Variants in GRIN3A observed in about 807,000 individuals in gnomAD.
GRIN3A encodes glutamate ionotropic receptor NMDA type subunit 3A, also known as glutamate receptor ionotropic, NMDA 3A.
In GRIN3A, 47 loss-of-function variants were observed where a neutral mutation model predicts 92.4. The observed-to-expected ratio is 0.51, with a 90% confidence interval of 0.40 to 0.65. The LOEUF is 0.65. Among genes scored for constraint, GRIN3A ranks in the 30% least tolerant of loss-of-function variants. GRIN3A has a pLI of 0.00. For synonymous variants in GRIN3A, 527 were observed against 540.6 expected, an observed-to-expected ratio of 0.97 and a Z score of 0.35; for missense variants, 1,324 against 1,393.1, an observed-to-expected ratio of 0.95 and a Z score of 0.79.
chr9:101,737,746 C>G lies in GRIN3A; in HGVS notation c.234G>C (p.Arg78Ser). The G allele has an allele frequency of 6.5e-7, 1 of 1,528,982 alleles. No homozygotes were observed. 94.7% of individuals were successfully genotyped at this position (1,528,982 alleles called of 1,614,324 possible). A position where few individuals can be genotyped will look rare whatever the true frequency, so the allele number is the denominator to read the frequency against. Residue 78 changes from arginine to serine, a missense_variant, in exon 1 of 9, where the codon AGG becomes AGC. Physicochemically the swap from Arg to Ser is moderately radical, Grantham distance 110. Coordinates refer to ENST00000361820, the MANE Select transcript of GRIN3A (RefSeq NM_133445.3). ...APDDSRAGAQ[R>S]DEPEPGTRRS... ...GCCTAGTCCCTGGCTCCGGCTCATC[C>G]CTCTGGGCTCCTGCTCGGCTGTCGT...
In GRIN3A at chr9:101,596,900, C is replaced by G. The variant is rs565793746; in HGVS notation, c.2766+16476G>C. On this transcript the variant is annotated intron_variant, in intron 6 of 8. Coordinates refer to ENST00000361820, the MANE Select transcript of GRIN3A (RefSeq NM_133445.3). ...GGACCAGTTATGTAATTTGCAGTGT[C>G]CTTTGTTTGAAAATGATTGAGAGCT... Among the ~76,000 whole-genome samples the G allele has an allele frequency of 2.6e-5, 4 of 152,252 alleles. No individual in the cohort carries two copies. In the East Asian group the frequency reaches 5.8e-4, roughly 22 times the overall value.
chr9:101,596,347 TG>T (rs1332252251), intron 6 of GRIN3A, among the ~76,000 whole-genome samples: 12 of 151,768 alleles, frequency 7.9e-5, no homozygotes, highest in South Asian at 6.3e-4. Flanking sequence ...TATATTGGAA[TG>T]TTTTTTTGTT....
chr9:101,680,656 A>T (rs1165263773), intron 2 of GRIN3A, among the ~76,000 whole-genome samples: 3 of 152,196 alleles, frequency 2.0e-5, no homozygotes, highest in African/African-American at 7.2e-5. Flanking sequence ...GGATAAAACT[A>T]TGAATAATTA....
chr9:101,636,594 G>A (rs1828788500), intron 3 of GRIN3A, among the ~76,000 whole-genome samples: 2 of 152,126 alleles, frequency 1.3e-5, no homozygotes, highest in Admixed American at 6.5e-5. Flanking sequence ...AGTATATATT[G>A]TTATCTCGAG....
chr9:101,632,327 C>G (rs1464403799), intron 3 of GRIN3A, among the ~76,000 whole-genome samples: 2 of 152,180 alleles, frequency 1.3e-5, no homozygotes, highest in African/African-American at 4.8e-5. Flanking sequence ...TTTGCCTTCC[C>G]TGCTAGATTG....
intron 6 of GRIN3A, among the ~76,000 whole-genome samples, chr9:101,589,474 T>C (rs993334935): frequency 2.0e-5 from 3 of 152,224 alleles, no homozygotes; most frequent in African/African-American, 7.2e-5. Flanking sequence ...TTATAATTAT[T>C]CATTTTTCCT....
intron 1 of GRIN3A, among the ~76,000 whole-genome samples, chr9:101,718,554 G>A (rs1309132767): frequency 2.6e-5 from 4 of 152,198 alleles, no homozygotes; most frequent in South Asian, 2.1e-4. Context: ...TGAATGCTAC[G>A]CTAAGCTGCT....
intron 3 of GRIN3A, among the ~76,000 whole-genome samples, chr9:101,633,031 T>C (rs1345992544): frequency 1.3e-5 from 2 of 152,168 alleles, no homozygotes; most frequent in African/African-American, 4.8e-5. Flanking sequence ...TCAGTATTAA[T>C]GGAATACTGA....
chr9:101,592,500 C>T (rs1828043945), intron 6 of GRIN3A: 1 of 152,162 alleles, frequency 6.6e-6, no homozygotes. Context: ...CATGCTCACA[C>T]AGCTAAAAAG....
rs1215105378 is a variant in GRIN3A at position 101,597,941 on chromosome 9, ATATCT to A, written c.2766+15430_2766+15434del. Among the ~76,000 whole-genome samples, 4 of 152,304 alleles carry A rather than the reference ATATCT, an allele frequency of 2.6e-5. No individual in the cohort carries two copies. The East Asian group carries it at 5.8e-4, about 22-fold the overall frequency. The stretch of plus-strand genomic sequence containing the variant: ...ATATACTATAGAACATAGTGTTTTG[ATATCT>A]TATGTTATAGGCTCATGAGCCATGA... On this transcript the variant is annotated intron_variant, in intron 6 of 8. Transcript: ENST00000361820.
chr9:101,594,134 C>T, intron 6 of GRIN3A: 1 of 369,958 alleles, frequency 2.7e-6, no homozygotes, highest in South Asian at 7.5e-5. Flanking sequence ...GTCTTTGAAT[C>T]AAAACAAAGT....
At chr9:101,579,752 TAAG>T (rs1293723258) in intron 6 of GRIN3A, among the ~76,000 whole-genome samples, 1 of 152,176 alleles carries the variant, frequency 6.6e-6, no homozygotes, top group Non-Finnish European at 1.5e-5. Flanking sequence ...AATTCATTCT[TAAG>T]AAGTAAGCAA....
chr9:101,653,118 T>C (rs1829035200), intron 3 of GRIN3A, among the ~76,000 whole-genome samples: 1 of 151,978 alleles, frequency 6.6e-6, no homozygotes, highest in Non-Finnish European at 1.5e-5. Flanking sequence ...GCATAAAATG[T>C]TCCAAGTATG....
intron 6 of GRIN3A, among the ~76,000 whole-genome samples, chr9:101,584,147 C>T (rs150445514): frequency 1.3e-5 from 2 of 152,278 alleles, no homozygotes; most frequent in African/African-American, 2.4e-5. Context: ...CCACTGCACC[C>T]GGCTAGTCCC....
rs188460515 is a variant in GRIN3A at position 101,613,364 on chromosome 9, G to A, written c.2766+12C>T. ...ATACAACGTGTCACCATTTTCAACA[G>A]TCTTTCCATACCTCCGTGACAGCAA... On this transcript the variant is annotated intron_variant, in intron 6 of 8. Coordinates refer to ENST00000361820, the MANE Select transcript of GRIN3A (RefSeq NM_133445.3). 4.2e-5 allele frequency: 68 copies of A among 1,614,000 alleles called. No individual in the cohort carries two copies. In the African/African-American group the frequency reaches 6.7e-4, roughly 16 times the overall value.
intron 3 of GRIN3A, among the ~76,000 whole-genome samples, chr9:101,666,211 G>T (rs539257140): frequency 1.3e-5 from 2 of 151,832 alleles, no homozygotes; most frequent in Non-Finnish European, 2.9e-5. Context: ...CTCCCCTAGG[G>T]CTTTAATAAA....
intron 3 of GRIN3A, among the ~76,000 whole-genome samples, chr9:101,640,970 T>C (rs191376388): frequency 6.6e-6 from 1 of 152,198 alleles, no homozygotes; most frequent in East Asian, 1.9e-4. Context: ...AAATGTGGAG[T>C]TTACAGTTCA....
chr9:101,658,744 ATCTATCTG>A (rs544438081), intron 3 of GRIN3A, among the ~76,000 whole-genome samples: 1 of 148,214 alleles, frequency 6.7e-6, no homozygotes, highest in South Asian at 2.2e-4. Context: ...TTATTTGTCT[ATCTATCTG>A]TCTATCTGTC....
intron 2 of GRIN3A, among the ~76,000 whole-genome samples, chr9:101,673,364 T>C (rs1369887907): frequency 6.6e-6 from 1 of 152,124 alleles, no homozygotes; most frequent in East Asian, 1.9e-4. Flanking sequence ...TTTGAGCCAG[T>C]CATTTTCCAA....
Sources: allele counts gnomAD v4.1 joint callset (sites outside exome capture counted in the v4.1 genomes callset), GRCh38; gene constraint gnomAD v4.1.1; transcripts MANE v1.5; gene names NCBI Gene and HGNC (gene_info 2026-07-23, HGNC 2026-07-21).